Variants in LRRC4C observed in about 807,000 individuals in gnomAD.
LRRC4C encodes leucine-rich repeat-containing protein 4C.
In LRRC4C, 5 loss-of-function variants were observed where a neutral mutation model predicts 33.6. That is an observed-to-expected ratio of 0.15 (90% CI 0.08 to 0.31). The LOEUF (loss-of-function observed/expected upper bound fraction) is 0.31, where lower values mean the gene tolerates loss of function less well. Among genes scored for constraint, LRRC4C ranks in the 10% least tolerant of loss-of-function variants. LRRC4C has a pLI of 1.00. For synonymous variants in LRRC4C, 329 were observed against 302.0 expected, an observed-to-expected ratio of 1.09 and a Z score of -0.93; for missense variants, 560 against 796.7, an observed-to-expected ratio of 0.70 and a Z score of 3.58.
At chr11:40,216,576 A>T (rs989730695) in intron 5 of LRRC4C, among the ~76,000 whole-genome samples, 9 of 152,156 alleles carry the variant, frequency 5.9e-5, no homozygotes, top group Non-Finnish European at 1.2e-4. Flanking sequence ...TGAGATTAAG[A>T]AGCGGAAAAT....
At chr11:40,956,938 T>C (rs1392132761) in intron 1 of LRRC4C, among the ~76,000 whole-genome samples, 1 of 151,882 alleles carries the variant, frequency 6.6e-6, no homozygotes, top group East Asian at 1.9e-4. Flanking sequence ...GCTCAGTTTG[T>C]TTTTTGGTTC....
intron 3 of LRRC4C, among the ~76,000 whole-genome samples, chr11:40,461,078 G>T (rs1417452090): frequency 2.0e-5 from 3 of 152,226 alleles, no homozygotes; most frequent in African/African-American, 4.8e-5. Context: ...ATGGGTATAG[G>T]TTTAAATAAA....
chr11:40,130,547 T>C (rs1047403373), intron 6 of LRRC4C, among the ~76,000 whole-genome samples: 2 of 152,156 alleles, frequency 1.3e-5, no homozygotes, highest in African/African-American at 4.8e-5. Flanking sequence ...CCATCAATAG[T>C]TCCCCAGTGC....
chr11:40,145,341 T>C lies in LRRC4C; in HGVS notation c.-95-4488A>G, dbSNP rs118004981. On this transcript the variant is annotated intron_variant, in intron 5 of 6. Coordinates refer to ENST00000528697, the MANE Select transcript of LRRC4C (RefSeq NM_001258419.2). ...AACAATAGTTTCCAAAGAGAAATAA[T>C]GATTTTAGAAGTGCCCAGTTGGCCA... Among the ~76,000 whole-genome samples the C allele has an allele frequency of 4.0e-4, 61 of 152,270 alleles. 1 individual carries two copies. In the East Asian group the frequency reaches 0.01, roughly 26 times the overall value.
intron 1 of LRRC4C, among the ~76,000 whole-genome samples, chr11:41,161,666 C>T (rs1944477934): frequency 6.6e-6 from 1 of 152,190 alleles, no homozygotes; most frequent in African/African-American, 2.4e-5. Flanking sequence ...TTTTGCATTG[C>T]ATTGCTGGCT....
chr11:40,454,783 A>T (rs1952056550), intron 3 of LRRC4C, among the ~76,000 whole-genome samples: 1 of 152,092 alleles, frequency 6.6e-6, no homozygotes, highest in East Asian at 1.9e-4. Flanking sequence ...TAATTTTCAG[A>T]CACCTTTATG....
intron 2 of LRRC4C, among the ~76,000 whole-genome samples, chr11:40,672,096 G>A (rs1164013282): frequency 6.6e-6 from 1 of 152,120 alleles, no homozygotes; most frequent in African/African-American, 2.4e-5. Context: ...TAGACTGGGT[G>A]ATTTATAAAC....
chr11:40,818,123 C>A (rs1278185295), intron 2 of LRRC4C, among the ~76,000 whole-genome samples: 3 of 152,044 alleles, frequency 2.0e-5, no homozygotes, highest in African/African-American at 4.8e-5. Context: ...TTTCTTCTCT[C>A]TTCTTTCATC....
intron 1 of LRRC4C, among the ~76,000 whole-genome samples, chr11:40,958,131 G>T (rs1959043683): frequency 6.6e-6 from 1 of 151,642 alleles, no homozygotes; most frequent in South Asian, 2.1e-4. Context: ...CACTGAATCT[G>T]CCAGGCACCT....
intron 3 of LRRC4C, among the ~76,000 whole-genome samples, chr11:40,397,262 C>T (rs76077304): frequency 5.3e-4 from 80 of 151,850 alleles, no homozygotes; most frequent in African/African-American, 1.7e-3. Flanking sequence ...AATGTTTTGA[C>T]GAAGTAGAGA....
intron 2 of LRRC4C, among the ~76,000 whole-genome samples, chr11:40,702,303 C>T (rs7930033): frequency 0.013 from 1,959 of 152,128 alleles, 44 homozygotes; most frequent in African/African-American, 0.045. Context: ...TCCAGAAGAT[C>T]AATTAATTTG....
At chr11:41,035,151 C>T (rs560298228) in intron 1 of LRRC4C, among the ~76,000 whole-genome samples, 1 of 151,182 alleles carries the variant, frequency 6.6e-6, no homozygotes, top group South Asian at 2.1e-4. Flanking sequence ...TATTGTGCCA[C>T]TGCACTCCAG....
intron 3 of LRRC4C, among the ~76,000 whole-genome samples, chr11:40,507,849 C>T (rs1955114169): frequency 6.6e-6 from 1 of 151,646 alleles, no homozygotes. Context: ...AAGCGATTCT[C>T]CTGCAACAGC....
At chr11:41,007,792 T>G (rs992827001) in intron 1 of LRRC4C, among the ~76,000 whole-genome samples, 1 of 152,132 alleles carries the variant, frequency 6.6e-6, no homozygotes. Context: ...AATTTAGACA[T>G]CTAGTCATAA....
intron 3 of LRRC4C, among the ~76,000 whole-genome samples, chr11:40,439,456 C>CT (rs748189705): frequency 0.086 from 11,913 of 137,772 alleles, 611 homozygotes; most frequent in Non-Finnish European, 0.11. Context: ...TCCATTTATT[C>CT]TTTTTTTTTT....
intron 4 of LRRC4C, among the ~76,000 whole-genome samples, chr11:40,279,568 T>C (rs1011548012): frequency 1.3e-5 from 2 of 152,342 alleles, no homozygotes; most frequent in East Asian, 1.9e-4. Context: ...AGTATTTCCA[T>C]GTGCCAAGCA....
intron 1 of LRRC4C, among the ~76,000 whole-genome samples, chr11:41,308,533 C>G (rs1194737889): frequency 6.6e-6 from 1 of 152,056 alleles, no homozygotes; most frequent in Non-Finnish European, 1.5e-5. Flanking sequence ...GTCAACAAAA[C>G]AAAGCACATT....
intron 1 of LRRC4C, among the ~76,000 whole-genome samples, chr11:41,332,754 C>T (rs1044044990): frequency 2.0e-5 from 3 of 152,206 alleles, no homozygotes; most frequent in African/African-American, 7.2e-5. Flanking sequence ...TTCGGTTCAG[C>T]ATTCTATTAG....
chr11:40,665,318 A>C (rs1311139917), intron 2 of LRRC4C, among the ~76,000 whole-genome samples: 5 of 54,212 alleles, frequency 9.2e-5, no homozygotes, highest in East Asian at 1.3e-3. Context: ...TAAAAAAAAA[A>C]AAAAAAAATA....
Sources: allele counts gnomAD v4.1 joint callset (sites outside exome capture counted in the v4.1 genomes callset), GRCh38; gene constraint gnomAD v4.1.1; transcripts MANE v1.5; gene names NCBI Gene and HGNC (gene_info 2026-07-23, HGNC 2026-07-21).